Variants in CENPE observed in about 807,000 individuals in gnomAD.
CENPE encodes centromere-associated protein E.
A neutral mutation model predicts 336.1 loss-of-function variants in CENPE; 145 were observed. The ratio of observed to expected loss-of-function variants is 0.43; its 90% CI spans 0.38 to 0.50. The LOEUF (loss-of-function observed/expected upper bound fraction) is 0.50, where lower values mean the gene tolerates loss of function less well. Ranked by LOEUF, CENPE falls within the 20% of genes least tolerant of loss-of-function variation. The pLI is 0.00. For missense variants in CENPE, 2,719 were observed against 3,023.3 expected (o/e 0.90, Z 2.36); for synonymous variants, 1,013 against 984.8 (o/e 1.03, Z -0.54).
chr4:103,111,219 C>T (rs1002255343), intron 46 of CENPE, among the ~76,000 whole-genome samples: 3 of 152,172 alleles, frequency 2.0e-5, no homozygotes, highest in Non-Finnish European at 4.4e-5. Context: ...TAGAATCCCC[C>T]TCAACCAATT....
In CENPE at chr4:103,194,676, C is replaced by A. The variant is rs1382729810; in HGVS notation, c.486G>T (p.Val162=). 18 of 1,599,262 alleles carry A rather than the reference C, an allele frequency of 1.1e-5. No individual in the cohort carries two copies. Among genetic ancestry groups the A allele is most frequent in the Non-Finnish European group, 1.4e-5 (16 of 1,174,946 alleles). The stretch of plus-strand genomic sequence containing the variant: ...CTTCTTCTGTGAGATCAGCAACATA[C>A]ACATTCCTCTGAAACAAGTTTAATT... The part of the protein sequence containing the change: ...LIIREDVNRN[V]YVADLTEEVV... The change falls in exon 6 of 49, where the codon GTG becomes GTT. Residue 162 remains valine, a synonymous_variant. Coordinates refer to ENST00000265148, the MANE Select transcript of CENPE (RefSeq NM_001813.3).
chr4:103,112,564 GTATA>G (rs1047114746), intron 46 of CENPE, among the ~76,000 whole-genome samples: 2 of 139,910 alleles, frequency 1.4e-5, no homozygotes, highest in Non-Finnish European at 3.0e-5. Flanking sequence ...GTGTATGTAT[GTATA>G]TATACTTATA....
Position 103,106,330 on chromosome 4 carries a change from T to G in CENPE, c.8012-14A>C. On this transcript the variant is annotated splice_polypyrimidine_tract_variant and intron_variant, in intron 48 of 48. Coordinates refer to ENST00000265148, the MANE Select transcript of CENPE (RefSeq NM_001813.3). ...CATTTTGCACCTCTGAGAAAGAAAA[T>G]GAAAACAACATTCATCCTATTACAA... 6.4e-7 allele frequency: 1 copy of G among 1,574,238 alleles called. No homozygotes were observed. Among genetic ancestry groups the G allele is most frequent in the Non-Finnish European group, 8.7e-7 (1 of 1,155,014 alleles).
chr4:103,116,631 T>C lies in CENPE; in HGVS notation c.7388A>G (p.Lys2463Arg). 6.3e-7 allele frequency: 1 copy of C among 1,596,560 alleles called. No individual in the cohort carries two copies. Among genetic ancestry groups the C allele is most frequent in the Non-Finnish European group, 8.5e-7 (1 of 1,173,812 alleles). ...TTTCTCTAGGTCTATTTTCACAAGC[T>C]TCATTTTGAGATCTTCAATTTCTTC... ...YKEEIEDLKM[K>R]LVKIDLEKMK... The change falls in exon 45 of 49, where the codon AAG becomes AGG. Residue 2463 changes from lysine (K) to arginine (R), a missense_variant. By Grantham distance (26) the Lys-to-Arg change is conservative. Around this residue, in one of 5 missense-constraint regions of CENPE, gnomAD observed 2,437 missense variants for 2,513.3 expected, o/e 0.97. Transcript: ENST00000265148.
chr4:103,113,355 C>T (rs1474143694), intron 46 of CENPE, among the ~76,000 whole-genome samples: 1 of 140,782 alleles, frequency 7.1e-6, no homozygotes, highest in African/African-American at 2.6e-5. Flanking sequence ...TACATATACT[C>T]GTATATATAC....
chr4:103,174,696 G>T, intron 16 of CENPE, 40 bp downstream of exon 16: 1 of 1,339,384 alleles, frequency 7.5e-7, no homozygotes, highest in Non-Finnish European at 9.9e-7. Context: ...TCTTTTAAAA[G>T]TATGCTTTTA....
At chr4:103,190,421 C>T (rs1487625741) in intron 8 of CENPE, among the ~76,000 whole-genome samples, 1 of 152,190 alleles carries the variant, frequency 6.6e-6, no homozygotes, top group African/African-American at 2.4e-5. Flanking sequence ...ACCAAAACAG[C>T]ATGGTACTAG....
At position 103,163,192 on chromosome 4, in the gene CENPE, T is replaced by C; in HGVS notation, c.1787A>G (p.Glu596Gly). ...EKEDQIKKLQ[E>G]YIDSQKLENI... ...TTCTAGCTTTTGAGAGTCTATGTAT[T>C]CCTGTAGCTTCTTAATCTGGTCTTC... The change falls in exon 18 of 49, where the codon GAA (glutamate) becomes GGA (glycine). Residue 596 changes from glutamate to glycine, a missense_variant. Glu to Gly is a moderately conservative substitution (Grantham distance 98). Around this residue, in one of 5 missense-constraint regions of CENPE, gnomAD observed 2,437 missense variants for 2,513.3 expected, o/e 0.97. Coordinates refer to ENST00000265148, the MANE Select transcript of CENPE (RefSeq NM_001813.3). 1 of 1,607,876 alleles carries C rather than the reference T, an allele frequency of 6.2e-7. No homozygotes were observed. The highest frequency in any genetic ancestry group is 1.1e-5 in the South Asian group (1 of 90,866).
chr4:103,140,095 A>C lies in CENPE; in HGVS notation c.5914-16T>G. ...GTTCTTGGATCTTGAGATAATTGTA[A>C]AACAAGTTAGAATGTAAGCAGTTTC... is the stretch of plus-strand genomic sequence containing the variant. On this transcript the variant is annotated splice_polypyrimidine_tract_variant and intron_variant, in intron 37 of 48. Coordinates refer to ENST00000265148, the MANE Select transcript of CENPE (RefSeq NM_001813.3). The C allele has an allele frequency of 1.3e-6, 2 of 1,586,492 alleles. No individual in the cohort carries two copies. The highest frequency in any genetic ancestry group is 2.3e-5 in the South Asian group (2 of 86,568).
intron 44 of CENPE, among the ~76,000 whole-genome samples, chr4:103,117,689 G>C (rs973094372): frequency 6.9e-6 from 1 of 145,888 alleles, no homozygotes; most frequent in African/African-American, 2.6e-5. Flanking sequence ...GTGCAGTGGT[G>C]CGATCTCGGC....
chr4:103,121,325 T>G (rs1040906748), intron 43 of CENPE, among the ~76,000 whole-genome samples: 3 of 152,122 alleles, frequency 2.0e-5, no homozygotes, highest in African/African-American at 7.2e-5. Context: ...ATCTCTCCTA[T>G]TTTTTGTTTT....
intron 16 of CENPE, among the ~76,000 whole-genome samples, chr4:103,170,675 A>T (rs1463852073): frequency 6.6e-6 from 1 of 152,218 alleles, no homozygotes; most frequent in African/African-American, 2.4e-5. Flanking sequence ...AAATGGAAGT[A>T]GTAATTTCCT....
rs1001459809 is a variant in CENPE at position 103,160,304 on chromosome 4, C to CA, written c.2286+320dup. Among the ~76,000 whole-genome samples the CA allele has an allele frequency of 2.1e-4, 32 of 150,928 alleles. No homozygotes were observed. In the East Asian group the frequency reaches 4.5e-3, roughly 21 times the overall value. ...TTCAACATAATGATACTACTACTAC[C>CA]AAAAAAAATGGTAAAGACTAAGGGT... On this transcript the variant is annotated intron_variant, in intron 21 of 48. Transcript: ENST00000265148.
At position 103,140,800 on chromosome 4, in the gene CENPE, A is replaced by C; in HGVS notation, c.5754+14T>G. On this transcript the variant is annotated intron_variant, in intron 36 of 48. Coordinates refer to ENST00000265148, the MANE Select transcript of CENPE (RefSeq NM_001813.3). ...GTGAATATAATGGTAGGGTAAAGAGAGAACACAACTCACTCTAGCTTTGGT... is the reference window on the plus strand; with the variant it reads ...GTGAATATAATGGTAGGGTAAAGAGCGAACACAACTCACTCTAGCTTTGGT... The C allele has an allele frequency of 6.4e-7, 1 of 1,561,636 alleles. No individual in the cohort carries two copies.
chr4:103,146,910 C>G (rs889923816), intron 29 of CENPE, among the ~76,000 whole-genome samples: 8 of 151,710 alleles, frequency 5.3e-5, no homozygotes, highest in Non-Finnish European at 1.2e-4. Context: ...AATACACACT[C>G]AAATCAATAA....
At position 103,151,373 on chromosome 4, in the gene CENPE, A is replaced by T; in HGVS notation, c.3242T>A (p.Ile1081Asn). 6.4e-7 allele frequency: 1 copy of T among 1,566,632 alleles called. No homozygotes were observed. Among genetic ancestry groups the T allele is most frequent in the Non-Finnish European group, 8.6e-7 (1 of 1,167,270 alleles). ...AAGTCTTAATTCTTCCTGGTTTTCA[A>T]TGGTCTAGAAAGAAAAAAAAAGTTG... ...TDLKENIEMT[I>N]ENQEELRLLG... Residue 1081 changes from isoleucine (I) to asparagine (N), a missense_variant, in exon 26 of 49, where the codon ATT becomes AAT. Transcript: ENST00000265148.
intron 16 of CENPE, among the ~76,000 whole-genome samples, chr4:103,174,279 A>G (rs1755668372): frequency 6.6e-6 from 1 of 152,030 alleles, no homozygotes; most frequent in Middle Eastern, 3.2e-3. Flanking sequence ...ACTCACATGC[A>G]GAATCTTAAA....
intron 24 of CENPE, among the ~76,000 whole-genome samples, chr4:103,157,781 A>T (rs1007418997): frequency 6.6e-6 from 1 of 151,978 alleles, no homozygotes; most frequent in African/African-American, 2.4e-5. Flanking sequence ...TACTATTCCA[A>T]GCTATATATT....
chr4:103,123,880 A>G (rs926478883), intron 42 of CENPE, among the ~76,000 whole-genome samples: 1 of 152,190 alleles, frequency 6.6e-6, no homozygotes, highest in African/African-American at 2.4e-5. Context: ...GTAGTCTAAG[A>G]CTATATCAAA....
Sources: allele counts gnomAD v4.1 joint callset (sites outside exome capture counted in the v4.1 genomes callset), GRCh38; gene constraint gnomAD v4.1.1; regional missense constraint gnomAD v4.1.1; transcripts MANE v1.5; gene names NCBI Gene and HGNC (gene_info 2026-07-23, HGNC 2026-07-21).